SCHIP1: variants seen among roughly 807,000 people sequenced by gnomAD.
SCHIP1 encodes the protein schwannomin-interacting protein 1.
In SCHIP1, 8 loss-of-function variants were observed where a neutral mutation model predicts 29.7. The observed-to-expected ratio is 0.27, with a 90% CI of 0.16 to 0.49. The LOEUF is 0.49. Ranked by LOEUF, SCHIP1 falls within the 20% of genes least tolerant of loss-of-function variation. SCHIP1 has a pLI of 0.99. For synonymous variants in SCHIP1, 76 were observed against 94.9 expected, an observed-to-expected ratio of 0.80 and a Z score of 1.16; for missense variants, 193 against 294.6, an observed-to-expected ratio of 0.66 and a Z score of 2.52.
the SCHIP1 span, among the ~76,000 whole-genome samples, chr3:159,518,634 G>A: frequency 6.6e-6 from 1 of 152,046 alleles, no homozygotes; most frequent in Non-Finnish European, 1.5e-5. Context: ...TTCTCAGAGT[G>A]TTAAACATAA....
chr3:159,764,098 T>C, the SCHIP1 span: 4 of 238,530 alleles, frequency 1.7e-5, no homozygotes, highest in Non-Finnish European at 3.2e-5. The surrounding 1 kb of genome is among the most constrained non-coding windows in gnomAD (Gnocchi z 6.1). Flanking sequence ...TCTCGGAGAA[T>C]CCTTGGGGCG....
At chr3:159,832,721 G>A in the SCHIP1 span, among the ~76,000 whole-genome samples, 1 of 152,162 alleles carries the variant, frequency 6.6e-6, no homozygotes, top group Non-Finnish European at 1.5e-5. Context: ...ACTTCTCACT[G>A]TGTTAGTTTT....
chr3:159,426,251 T>G, the SCHIP1 span, among the ~76,000 whole-genome samples: 2 of 152,168 alleles, frequency 1.3e-5, no homozygotes, highest in African/African-American at 2.4e-5. Context: ...AGGAGATGGT[T>G]TTTTGAAAGG....
the SCHIP1 span, among the ~76,000 whole-genome samples, chr3:159,313,826 G>A: frequency 2.6e-5 from 4 of 151,914 alleles, no homozygotes; most frequent in East Asian, 7.7e-4. Context: ...TTATTGCCTT[G>A]TTTTCTATCA....
the SCHIP1 span, among the ~76,000 whole-genome samples, chr3:159,740,771 G>GAAAAAAAAAAAAA: frequency 3.5e-4 from 37 of 104,816 alleles, no homozygotes; most frequent in Middle Eastern, 6.8e-3. Flanking sequence ...CAAAAAAAAA[G>GAAAAAAAAAAAAA]AAAAAAAAAA....
chr3:159,712,211 C>T, the SCHIP1 span, among the ~76,000 whole-genome samples: 1 of 152,208 alleles, frequency 6.6e-6, no homozygotes, highest in Non-Finnish European at 1.5e-5. Context: ...AGCTAAATCA[C>T]ATCTGACTGC....
At chr3:159,584,959 C>A in the SCHIP1 span, among the ~76,000 whole-genome samples, 2 of 152,164 alleles carry the variant, frequency 1.3e-5, no homozygotes, top group East Asian at 3.9e-4. Flanking sequence ...ACTTCAAACA[C>A]TTCCCTCAGA....
chr3:159,388,239 A>G, the SCHIP1 span, among the ~76,000 whole-genome samples: 2 of 152,278 alleles, frequency 1.3e-5, no homozygotes, highest in Admixed American at 1.3e-4. Flanking sequence ...AAATTAGAAA[A>G]TCAACAATAA....
chr3:159,778,805 G>A, the SCHIP1 span, among the ~76,000 whole-genome samples: 1 of 152,194 alleles, frequency 6.6e-6, no homozygotes, highest in Non-Finnish European at 1.5e-5. Flanking sequence ...TGCTGTCTCT[G>A]GAGAAGACAG....
At chr3:159,680,556 TATATA>T in the SCHIP1 span, among the ~76,000 whole-genome samples, 3 of 117,436 alleles carry the variant, frequency 2.6e-5, no homozygotes, top group Non-Finnish European at 5.0e-5. Flanking sequence ...ATATATAATA[TATATA>T]ATATATGTAT....
the SCHIP1 span, chr3:159,768,401 C>T: frequency 6.6e-6 from 1 of 152,190 alleles, no homozygotes; most frequent in Non-Finnish European, 1.5e-5. Context: ...ATCCATGTCT[C>T]CTCACTCCAC....
chr3:159,474,060 G>T, the SCHIP1 span, among the ~76,000 whole-genome samples: 1 of 151,910 alleles, frequency 6.6e-6, no homozygotes, highest in South Asian at 2.1e-4. Flanking sequence ...CTGAAAACAG[G>T]CTATTTCTTA....
chr3:159,545,705 T>C, the SCHIP1 span, among the ~76,000 whole-genome samples: 6 of 147,794 alleles, frequency 4.1e-5, no homozygotes, highest in Admixed American at 1.4e-4. Flanking sequence ...ATTGTACATC[T>C]TTTGTACAAT....
chr3:159,563,354 A>T, the SCHIP1 span, among the ~76,000 whole-genome samples: 1 of 152,118 alleles, frequency 6.6e-6, no homozygotes, highest in Admixed American at 6.6e-5. Context: ...CTTTTTATAT[A>T]CTTTACTATT....
the SCHIP1 span, among the ~76,000 whole-genome samples, chr3:159,732,109 G>C: frequency 6.6e-6 from 1 of 152,218 alleles, no homozygotes; most frequent in East Asian, 1.9e-4. Context: ...GCCTCCCAAA[G>C]TGCTGGAATT....
At chr3:159,408,008 G>C in the SCHIP1 span, among the ~76,000 whole-genome samples, 1 of 152,100 alleles carries the variant, frequency 6.6e-6, no homozygotes. Context: ...AAAATTAGTA[G>C]AAAAAGAATA....
the SCHIP1 span, among the ~76,000 whole-genome samples, chr3:159,500,015 G>A: frequency 6.6e-6 from 1 of 151,814 alleles, no homozygotes; most frequent in African/African-American, 2.4e-5. Context: ...GACTCCCGGA[G>A]AAGGAAAGCG....
chr3:159,511,871 GAAAA>G, the SCHIP1 span, among the ~76,000 whole-genome samples: 2 of 152,156 alleles, frequency 1.3e-5, no homozygotes, highest in Non-Finnish European at 2.9e-5. Flanking sequence ...ACCAAAACAT[GAAAA>G]ACAAAACTTT....
chr3:159,454,824 G>A, the SCHIP1 span, among the ~76,000 whole-genome samples: 9 of 152,100 alleles, frequency 5.9e-5, no homozygotes, highest in Admixed American at 2.0e-4. Context: ...TAAGAGCAGA[G>A]GACAGGTCTT....
Sources: allele counts gnomAD v4.1 joint callset (sites outside exome capture counted in the v4.1 genomes callset), GRCh38; gene constraint gnomAD v4.1.1; non-coding constraint Gnocchi (gnomAD v3.1); transcripts MANE v1.5; gene names NCBI Gene and HGNC (gene_info 2026-07-23, HGNC 2026-07-21).